ZGRF1: variants seen among roughly 807,000 people sequenced by gnomAD.
ZGRF1 encodes the protein 5'-3' DNA helicase ZGRF1.
In ZGRF1, 196 loss-of-function variants were observed where a neutral mutation model predicts 203.5. The ratio of observed to expected loss-of-function variants is 0.96; its 90% CI spans 0.86 to 1.08. ZGRF1 has a LOEUF of 1.08. ZGRF1 is among the 50% of genes least tolerant of loss of function. ZGRF1 has a pLI of 0.00. For missense variants in ZGRF1, 2,326 were observed against 2,416.3 expected (o/e 0.96, Z 0.78); for synonymous variants, 809 against 841.3 (o/e 0.96, Z 0.66).
intron 10 of ZGRF1, among the ~76,000 whole-genome samples, chr4:112,594,815 T>A (rs1748727097): frequency 6.6e-6 from 1 of 152,180 alleles, no homozygotes; most frequent in Non-Finnish European, 1.5e-5. Context: ...CTTTCAAGTT[T>A]TAATTGGTTA....
chr4:112,551,297 C>T (rs534379870), intron 22 of ZGRF1, among the ~76,000 whole-genome samples: 1 of 152,200 alleles, frequency 6.6e-6, no homozygotes, highest in African/African-American at 2.4e-5. Flanking sequence ...TACACTATGA[C>T]GTTCACACAA....
chr4:112,562,323 G>C, intron 18 of ZGRF1, 48 bp downstream of exon 18: 1 of 965,604 alleles, frequency 1.0e-6, no homozygotes, highest in Non-Finnish European at 1.6e-6. Flanking sequence ...ATTTACTTCT[G>C]ATTACCATTT....
intron 3 of ZGRF1, among the ~76,000 whole-genome samples, chr4:112,629,063 G>A (rs2047326151): frequency 6.6e-6 from 1 of 152,166 alleles, no homozygotes; most frequent in Non-Finnish European, 1.5e-5. Context: ...AGATCCTGTT[G>A]TTACTACAAT....
chr4:112,539,847 C>T lies in ZGRF1; in HGVS notation c.6172+16G>A, dbSNP rs1202800043. 3 of 1,611,894 alleles carry T rather than the reference C, an allele frequency of 1.9e-6. No individual in the cohort carries two copies. The highest frequency in any genetic ancestry group is 2.5e-6 in the Non-Finnish European group (3 of 1,178,784). On this transcript the variant is annotated intron_variant, in intron 27 of 27. Coordinates refer to ENST00000505019, the MANE Select transcript of ZGRF1 (RefSeq NM_018392.5). ...TTGAACTTGAAATGCATGAATTAAACCCATTTTTATTTTACCTTCGCAGTG... is the reference window on the plus strand; with the variant it reads ...TTGAACTTGAAATGCATGAATTAAATCCATTTTTATTTTACCTTCGCAGTG...
intron 24 of ZGRF1, among the ~76,000 whole-genome samples, chr4:112,545,113 C>A (rs975035539): frequency 5.9e-5 from 9 of 151,636 alleles, no homozygotes; most frequent in Non-Finnish European, 1.3e-4. Context: ...ACCAAAAGCA[C>A]AAGCAACAGA....
rs34823978 is a variant in ZGRF1, at chr4:112,635,129, C to CAAA, written c.-67+1719_-67+1721dup. Among the ~76,000 whole-genome samples, 140 of 89,058 alleles carry CAAA rather than the reference C, an allele frequency of 1.6e-3. 1 individual carries two copies. Among genetic ancestry groups the CAAA allele is most frequent in the African/African-American group, 3.3e-3 (80 of 24,256 alleles). The allele number at this position is 89,058 out of a possible 152,430, so 58.4% of individuals were successfully genotyped here. On this transcript the variant is annotated intron_variant, in intron 1 of 27. Coordinates refer to ENST00000505019, the MANE Select transcript of ZGRF1 (RefSeq NM_018392.5). ...TGGGCGACAGAGCGAGACTCCATCT[C>CAAA]AAAAAAAAAAAAAAAAAAGAAATAC...
At chr4:112,554,304 T>C (rs1298001652) in intron 21 of ZGRF1, among the ~76,000 whole-genome samples, 1 of 150,490 alleles carries the variant, frequency 6.6e-6, no homozygotes, top group Non-Finnish European at 1.5e-5. Context: ...CATGTGGTGT[T>C]TGGTTTTTTG....
At chr4:112,606,308 T>C (rs532922003) in intron 8 of ZGRF1, among the ~76,000 whole-genome samples, 1 of 152,232 alleles carries the variant, frequency 6.6e-6, no homozygotes, top group East Asian at 1.9e-4. Context: ...ATTTGAAAAC[T>C]TAGCACATTA....
intron 26 of ZGRF1, 61 bp from the exon 27 acceptor site, chr4:112,540,185 C>T: frequency 7.7e-7 from 1 of 1,292,384 alleles, no homozygotes; most frequent in African/African-American, 1.5e-5. Flanking sequence ...AGCCTCTGAA[C>T]CTGCTCAAAG....
At chr4:112,595,852 C>T (rs1748911693) in intron 10 of ZGRF1, among the ~76,000 whole-genome samples, 2 of 152,138 alleles carry the variant, frequency 1.3e-5, no homozygotes, top group South Asian at 4.1e-4. Context: ...AATGACTACT[C>T]TTCTTTCTTA....
rs751914039 is a variant in ZGRF1 at position 112,581,722 on chromosome 4, G to C, written c.4379C>G (p.Pro1460Arg). ...TAGCTTAAGATAAAGTTTGGTTTTT[G>C]GTTCATTATAAAACTCAGGATTTAC... Reference protein sequence around the residue: ...TTVNPEFYNEPKTKLYLKLSR... With the variant: ...TTVNPEFYNERKTKLYLKLSR... Residue 1460 changes from proline (P) to arginine (R), a missense_variant, in exon 16 of 28, where the codon CCA becomes CGA. Transcript: ENST00000505019. The C allele has an allele frequency of 1.3e-6, 2 of 1,579,488 alleles. No individual in the cohort carries two copies. Among genetic ancestry groups the C allele is most frequent in the East Asian group, 2.3e-5 (1 of 42,754 alleles).
intron 23 of ZGRF1, 109 bp from the exon 24 acceptor site, chr4:112,547,517 G>A: frequency 1.1e-6 from 1 of 949,574 alleles, no homozygotes; most frequent in South Asian, 1.7e-5. Context: ...ATGCCATGAA[G>A]TATCCTGAGT....
chr4:112,539,572 T>C lies in ZGRF1; in HGVS notation c.6290A>G (p.Lys2097Arg). ...TTATGAATGAGATTTATCTTTAGAT[T>C]TCTCTTTTTCACTCTTTTTCTTCTG... ...EKQKKKSEKEKSKDKSHS is the reference protein window; with the variant it reads ...EKQKKKSEKERSKDKSHS The change falls in exon 28 of 28, where the codon AAA becomes AGA. Residue 2097 changes from lysine to arginine, a missense_variant. Physicochemically the swap from Lys to Arg is conservative, Grantham distance 26. Coordinates refer to ENST00000505019, the MANE Select transcript of ZGRF1 (RefSeq NM_018392.5). 6.9e-7 allele frequency: 1 copy of C among 1,450,386 alleles called. No individual in the cohort carries two copies. Among genetic ancestry groups the C allele is most frequent in the South Asian group, 1.2e-5 (1 of 81,062 alleles). The allele number at this position is 1,450,386 out of a possible 1,614,324, so 89.8% of individuals were successfully genotyped here.
chr4:112,599,851 A>G (rs1749658262), intron 10 of ZGRF1, among the ~76,000 whole-genome samples: 2 of 152,204 alleles, frequency 1.3e-5, no homozygotes, highest in Admixed American at 1.3e-4. Flanking sequence ...GGAATGAAGA[A>G]AAGATAGCTT....
At chr4:112,609,135 G>A (rs1751206624) in intron 8 of ZGRF1, among the ~76,000 whole-genome samples, 1 of 151,450 alleles carries the variant, frequency 6.6e-6, no homozygotes, top group South Asian at 2.1e-4. Context: ...CTCACTGCAA[G>A]CTCCGCCTCC....
rs2047142418 is a variant in ZGRF1 at position 112,623,868 on chromosome 4, T to C, written c.111A>G (p.Leu37=). The change falls in exon 4 of 28, where the codon TTA becomes TTG. Residue 37 remains leucine, a synonymous_variant. Transcript: ENST00000505019. ...KITHLGNKAI[L]YDDKGACLES... ...CCAAACATGCTCCTTTGTCATCATA[T>C]AAAATTGCCTGTATGAAAACAAAAT... The C allele has an allele frequency of 1.3e-6, 2 of 1,571,826 alleles. No individual in the cohort carries two copies. Among genetic ancestry groups the C allele is most frequent in the South Asian group, 2.3e-5 (2 of 87,588 alleles).
At chr4:112,624,050 T>C (rs1265679220) in intron 3 of ZGRF1, 174 bp from the exon 4 acceptor site, 3 of 528,522 alleles carry the variant, frequency 5.7e-6, no homozygotes, top group Admixed American at 7.3e-5. Context: ...TGCATCAGTC[T>C]GTTTAAGAGA....
intron 1 of ZGRF1, among the ~76,000 whole-genome samples, chr4:112,634,264 G>T (rs1246717520): frequency 1.3e-5 from 2 of 152,116 alleles, no homozygotes; most frequent in East Asian, 1.9e-4. Flanking sequence ...GCACAGCAGG[G>T]GCACCCAGCT....
Position 112,618,102 on chromosome 4 carries a change from G to T in ZGRF1, c.1940C>A (p.Ser647Tyr), listed in dbSNP as rs146123981. The change falls in exon 6 of 28, where the codon TCT becomes TAT. Residue 647 changes from serine to tyrosine, a missense_variant. Physicochemically the swap from Ser to Tyr is moderately radical, Grantham distance 144. Transcript: ENST00000505019. ...EYSDTLSNFE[S>Y]FKWTDAVYGD... ...GTATACAGCATCAGTCCACTTGAAA[G>T]ATTCAAAATTGCTTAATGTGTCACT... The T allele has an allele frequency of 8.1e-6, 13 of 1,613,752 alleles. No individual in the cohort carries two copies. Among genetic ancestry groups the T allele is most frequent in the African/African-American group, 8.0e-5 (6 of 74,908 alleles).
Sources: gnomAD v4.1 joint callset for allele counts (sites outside exome capture counted in the v4.1 genomes callset) on GRCh38, gnomAD v4.1.1 for gene constraint, MANE v1.5 for transcripts, NCBI Gene and HGNC (gene_info 2026-07-23, HGNC 2026-07-21) for gene names.